Variants in VWF observed in about 807,000 individuals in gnomAD.
VWF encodes the protein von Willebrand factor.
Under a neutral mutation model 308.6 loss-of-function variants are expected in VWF, and 176 were observed. That is an observed-to-expected ratio of 0.57 (90% CI 0.50 to 0.65). The LOEUF (loss-of-function observed/expected upper bound fraction) is 0.65, where lower values mean the gene tolerates loss of function less well. VWF is among the 30% of genes least tolerant of loss of function. The pLI is 0.00. For missense variants in VWF, 3,146 were observed against 3,648.2 expected (o/e 0.86, Z 3.55); for synonymous variants, 1,385 against 1,443.4 (o/e 0.96, Z 0.92).
At chr12:6,002,651 T>C (rs894287798) in intron 34 of VWF, among the ~76,000 whole-genome samples, 1 of 151,830 alleles carries the variant, frequency 6.6e-6, no homozygotes, top group Non-Finnish European at 1.5e-5. Flanking sequence ...AGTAAGTTAG[T>C]AGGAATTAAA....
chr12:6,121,474 A>G, intron 2 of VWF, 136 bp from the exon 3 acceptor site: 1 of 1,076,826 alleles, frequency 9.3e-7, no homozygotes, highest in Non-Finnish European at 1.4e-6. Flanking sequence ...TTCCATCCTA[A>G]ATGAGACTAA....
intron 25 of VWF, among the ~76,000 whole-genome samples, chr12:6,023,132 G>A (rs1000978673): frequency 2.6e-5 from 4 of 152,078 alleles, no homozygotes; most frequent in African/African-American, 9.7e-5. Context: ...ATGTTGCCCA[G>A]GCTGGTCTTG....
intron 34 of VWF, among the ~76,000 whole-genome samples, chr12:6,001,293 C>G (rs1233105545): frequency 6.6e-6 from 1 of 151,962 alleles, no homozygotes; most frequent in Non-Finnish European, 1.5e-5. Context: ...AGATCAAACA[C>G]AAGATGGCAA....
chr12:6,092,883 G>A (rs11064024), intron 6 of VWF, among the ~76,000 whole-genome samples: 79,336 of 151,646 alleles, frequency 0.52, 22,866 homozygotes, highest in East Asian at 0.71. Context: ...ATATGCAAAT[G>A]CCTCCTCCCA....
intron 31 of VWF, among the ~76,000 whole-genome samples, chr12:6,015,500 T>C (rs216308): frequency 0.7 from 105,521 of 151,362 alleles, 38,032 homozygotes; most frequent in African/African-American, 0.88. Context: ...ACCCAGACCT[T>C]CTTCAGCTGG....
At chr12:6,113,077 T>A (rs555051708) in intron 3 of VWF, among the ~76,000 whole-genome samples, 1 of 152,056 alleles carries the variant, frequency 6.6e-6, no homozygotes, top group Non-Finnish European at 1.5e-5. Context: ...ATAAACCACA[T>A]TCTGCGGAGC....
At chr12:6,111,887 G>A (rs1015924764) in intron 3 of VWF, among the ~76,000 whole-genome samples, 3 of 152,014 alleles carry the variant, frequency 2.0e-5, no homozygotes, top group Admixed American at 6.5e-5. Flanking sequence ...GAACCCAGGA[G>A]GCGGAGCTTG....
chr12:6,088,490 A>AG (rs1263026784), intron 6 of VWF, among the ~76,000 whole-genome samples: 10 of 145,222 alleles, frequency 6.9e-5, no homozygotes, highest in Admixed American at 3.4e-4. Flanking sequence ...AAAAAAAAAA[A>AG]AAGCGAGAGA....
chr12:6,016,438 C>T lies in VWF; in HGVS notation c.5311+78G>A, dbSNP rs904167292. On this transcript the variant is annotated intron_variant, in intron 30 of 51. Coordinates refer to ENST00000261405, the MANE Select transcript of VWF (RefSeq NM_000552.5). Reference sequence around the variant, plus strand: ...AAGGCCAAGGAGCAAAGTGACTGGCCGAGGTCACACAGTCACTTATGCCAA... The same window carrying T: ...AAGGCCAAGGAGCAAAGTGACTGGCTGAGGTCACACAGTCACTTATGCCAA... 1.3e-5 allele frequency: 19 copies of T among 1,509,954 alleles called. No homozygotes were observed. In the Admixed American group the frequency reaches 1.9e-4, roughly 15 times the overall value. 93.5% of individuals were successfully genotyped at this position (1,509,954 alleles called of 1,614,324 possible). A position where few individuals can be genotyped will look rare whatever the true frequency, so the allele number is the denominator to read the frequency against.
intron 17 of VWF, 114 bp from the exon 18 acceptor site, chr12:6,044,565 C>T: frequency 7.2e-7 from 1 of 1,379,702 alleles, no homozygotes; most frequent in Non-Finnish European, 9.9e-7. Flanking sequence ...CTCAGAGTTG[C>T]CCACTCACGG....
At chr12:6,066,425 C>T (rs1190260846) in intron 10 of VWF, among the ~76,000 whole-genome samples, 1 of 152,256 alleles carries the variant, frequency 6.6e-6, no homozygotes, top group Non-Finnish European at 1.5e-5. Context: ...GAGAGAGACA[C>T]CATTGCCATT....
At chr12:6,113,297 CTTTT>C (rs56714638) in intron 3 of VWF, among the ~76,000 whole-genome samples, 2 of 138,818 alleles carry the variant, frequency 1.4e-5, no homozygotes, top group Non-Finnish European at 1.6e-5. Context: ...CGTAGAGAAA[CTTTT>C]TTTTTTTTTT....
chr12:6,007,175 T>C (rs972588979), intron 34 of VWF, among the ~76,000 whole-genome samples: 1 of 152,190 alleles, frequency 6.6e-6, no homozygotes, highest in South Asian at 2.1e-4. Flanking sequence ...AAAATCCAGA[T>C]AGAAGATCAA....
chr12:6,056,306 T>C (rs1785551034), intron 15 of VWF, among the ~76,000 whole-genome samples: 1 of 68,500 alleles, frequency 1.5e-5, no homozygotes, highest in African/African-American at 8.5e-5. Context: ...ATACCACCTC[T>C]GGTGCCAGGA....
chr12:5,953,573 T>C lies in VWF; in HGVS notation c.7909A>G (p.Thr2637Ala). The C allele has an allele frequency of 1.2e-6, 2 of 1,614,188 alleles. No individual in the cohort carries two copies. The highest frequency in any genetic ancestry group is 1.3e-5 in the African/African-American group (1 of 75,062). The change falls in exon 48 of 52, where the codon ACA becomes GCA. Residue 2637 changes from threonine to alanine, a missense_variant. Around this residue, in one of 3 missense-constraint regions of VWF, gnomAD observed 989 missense variants for 1,117.4 expected, o/e 0.89. Coordinates refer to ENST00000261405, the MANE Select transcript of VWF (RefSeq NM_000552.5). Reference sequence around the variant, plus strand: ...AAACATCTCCCACAACATTCACCTGTGTTATTTTCTTCCTTGTAACCCTGC... The same window carrying C: ...AAACATCTCCCACAACATTCACCTGCGTTATTTTCTTCCTTGTAACCCTGC... ...CPLGYKEENN[T>A]GECCGRCLPT...
chr12:5,990,601 C>T (rs1342979174), intron 38 of VWF, among the ~76,000 whole-genome samples: 1 of 152,052 alleles, frequency 6.6e-6, no homozygotes, highest in African/African-American at 2.4e-5. Context: ...TGAGTGCAGT[C>T]CATGATCACA....
Position 5,995,547 on chromosome 12 carries a change from T to C in VWF, c.6063+455A>G, listed in dbSNP as rs192587197. 1.4e-3 allele frequency among the ~76,000 whole-genome samples: 209 copies of C among 152,292 alleles called. 2 individuals are homozygous for C. Among genetic ancestry groups the C allele is most frequent in the African/African-American group, 4.8e-3 (198 of 41,566 alleles). On this transcript the variant is annotated intron_variant, in intron 35 of 51. Coordinates refer to ENST00000261405, the MANE Select transcript of VWF (RefSeq NM_000552.5). ...AAGCATTTAATCAATCATTTATATA[T>C]ATATATATCAGTTTTGCAGTTTTCT... is the stretch of plus-strand genomic sequence containing the variant.
At chr12:6,064,946 C>T (rs558515202) in intron 11 of VWF, among the ~76,000 whole-genome samples, 191 bp downstream of exon 11, 4 of 152,308 alleles carry the variant, frequency 2.6e-5, no homozygotes, top group Admixed American at 6.5e-5. Flanking sequence ...GGATGCCTTC[C>T]GCCAGCATCT....
At chr12:6,005,053 G>A (rs193187407) in intron 34 of VWF, among the ~76,000 whole-genome samples, 96 of 152,180 alleles carry the variant, frequency 6.3e-4, no homozygotes, top group African/African-American at 2.0e-3. Context: ...TTTTATGGAG[G>A]TAAACAAGTT....
Sources: allele counts gnomAD v4.1 joint callset (sites outside exome capture counted in the v4.1 genomes callset), GRCh38; gene constraint gnomAD v4.1.1; regional missense constraint gnomAD v4.1.1; transcripts MANE v1.5; gene names NCBI Gene and HGNC (gene_info 2026-07-23, HGNC 2026-07-21).